Variants in ZNF410 observed in about 807,000 individuals in gnomAD.
ZNF410 encodes zinc finger protein 410.
In ZNF410, 18 loss-of-function variants were observed where a neutral mutation model predicts 54.8. The ratio of observed to expected loss-of-function variants is 0.33; its 90% CI spans 0.23 to 0.49. ZNF410 has a LOEUF of 0.49. Ranked by LOEUF, ZNF410 falls within the 20% of genes least tolerant of loss-of-function variation. The pLI is 0.99. For missense variants in ZNF410, 405 were observed against 569.6 expected (o/e 0.71, Z 2.94); for synonymous variants, 191 against 207.3 (o/e 0.92, Z 0.68).
At chr14:73,899,712 T>C (rs2055376560) in intron 5 of ZNF410, among the ~76,000 whole-genome samples, 1 of 152,214 alleles carries the variant, frequency 6.6e-6, no homozygotes, top group Non-Finnish European at 1.5e-5. Context: ...TTAACCTCCC[T>C]TAGCTTCAAT....
At chr14:73,919,812 G>A (rs543683776) in intron 8 of ZNF410, among the ~76,000 whole-genome samples, 1 of 150,242 alleles carries the variant, frequency 6.7e-6, no homozygotes, top group South Asian at 2.1e-4. Flanking sequence ...CCAGTAATGG[G>A]ATTGCTGGTT....
chr14:73,913,961 A>G (rs2055624887), intron 8 of ZNF410: 1 of 152,110 alleles, frequency 6.6e-6, no homozygotes, highest in African/African-American at 2.4e-5. Context: ...AGTGTTTTCT[A>G]CATAAAAGAT....
intron 3 of ZNF410, among the ~76,000 whole-genome samples, chr14:73,894,674 G>A (rs532353162): frequency 1.3e-5 from 2 of 152,134 alleles, no homozygotes; most frequent in South Asian, 4.2e-4. Context: ...TGATCAGTCC[G>A]CCTTGGCCTC....
At chr14:73,905,946 C>T (rs149827277) in intron 7 of ZNF410, among the ~76,000 whole-genome samples, 12,445 of 36,388 alleles carry the variant, frequency 0.34, 2,061 homozygotes, top group African/African-American at 0.5. Flanking sequence ...CATATATATA[C>T]ACACACACAC....
At chr14:73,920,218 A>G (rs1489038158) in intron 8 of ZNF410, 2 of 152,066 alleles carry the variant, frequency 1.3e-5, no homozygotes, top group East Asian at 1.9e-4. Flanking sequence ...GTGTTTGTCA[A>G]TTGTGAATTT....
At chr14:73,925,264 C>T (rs552003848) in intron 11 of ZNF410, among the ~76,000 whole-genome samples, 4 of 152,254 alleles carry the variant, frequency 2.6e-5, no homozygotes, top group South Asian at 2.1e-4. Flanking sequence ...ATCTCACTTA[C>T]GGAGCCTTCC....
At position 73,909,497 on chromosome 14, in the gene ZNF410, G is replaced by T. The variant is rs1303264708; in HGVS notation, c.1003+67G>T. The T allele has an allele frequency of 5.3e-6, 7 of 1,314,716 alleles. No homozygotes were observed. The Admixed American group carries it at 1.3e-4, about 25-fold the overall frequency. The allele number at this position is 1,314,716 out of a possible 1,614,324, so 81.4% of individuals were successfully genotyped here. ...ACAAAAGAATAAAAGGGTTGTGGGG[G>T]TGATATAAAGACAACTAAAAAGAAA... is the stretch of plus-strand genomic sequence containing the variant. On this transcript the variant is annotated intron_variant, in intron 8 of 11. Coordinates refer to ENST00000555044, the MANE Select transcript of ZNF410 (RefSeq NM_021188.3).
intron 10 of ZNF410, chr14:73,922,718 T>C (rs2055774159): frequency 6.6e-6 from 1 of 152,642 alleles, no homozygotes. Flanking sequence ...CATGCATTTA[T>C]TCAGTGCCTA....
chr14:73,916,809 A>C (rs2055674340), intron 8 of ZNF410: 1 of 104,398 alleles, frequency 9.6e-6, no homozygotes, highest in Admixed American at 9.9e-5. Flanking sequence ...CCCCGTTTCT[A>C]CAAAAAAAAA....
At chr14:73,929,212 T>C (rs536119579) in intron 11 of ZNF410, among the ~76,000 whole-genome samples, 1 of 152,212 alleles carries the variant, frequency 6.6e-6, no homozygotes, top group Non-Finnish European at 1.5e-5. Context: ...TTCCACTGCT[T>C]ATCCCCTCCT....
chr14:73,931,397 C>T, intron 11 of ZNF410, 106 bp from the exon 12 acceptor site: 1 of 939,184 alleles, frequency 1.1e-6, no homozygotes, highest in Non-Finnish European at 1.7e-6. Flanking sequence ...TTCATTCACC[C>T]CTGTAGTGCA....
At chr14:73,922,595 T>C (rs2055772142) in intron 10 of ZNF410, 1 of 154,572 alleles carries the variant, frequency 6.5e-6, no homozygotes, top group South Asian at 2.0e-4. Flanking sequence ...CCATATCTTC[T>C]GGAGAAAAGA....
chr14:73,903,784 G>T, intron 5 of ZNF410, 176 bp from the exon 6 acceptor site: 1 of 829,570 alleles, frequency 1.2e-6, no homozygotes, highest in South Asian at 1.9e-5. Flanking sequence ...TTATAGGTGT[G>T]AGCACCATGC....
At chr14:73,904,242 T>G in intron 6 of ZNF410, 132 bp downstream of exon 6, 1 of 894,448 alleles carries the variant, frequency 1.1e-6, no homozygotes, top group Non-Finnish European at 1.6e-6. Context: ...TAAGATATCT[T>G]TTTTTCTTTA....
At position 73,919,741 on chromosome 14, in the gene ZNF410, T is replaced by C. The variant is rs578205490; in HGVS notation, c.1004-1239T>C. ...CTTTGCTGTTGTGAATAGTGCTGCA[T>C]TGAACATGTGAGGGCAAGTGTCTTT... On this transcript the variant is annotated intron_variant, in intron 8 of 11. Coordinates refer to ENST00000555044, the MANE Select transcript of ZNF410 (RefSeq NM_021188.3). Among the ~76,000 whole-genome samples the C allele has an allele frequency of 3.9e-5, 6 of 152,272 alleles. No homozygotes were observed. In the South Asian group the frequency reaches 1.2e-3, roughly 32 times the overall value.
At chr14:73,896,684 T>G in intron 4 of ZNF410, 150 bp downstream of exon 4, 1 of 659,186 alleles carries the variant, frequency 1.5e-6, no homozygotes, top group African/African-American at 1.8e-5. Context: ...TTTGAATATG[T>G]AGAGGGAGAG....
intron 8 of ZNF410, among the ~76,000 whole-genome samples, chr14:73,918,002 C>G (rs545702904): frequency 6.6e-6 from 1 of 152,308 alleles, no homozygotes; most frequent in South Asian, 2.1e-4. Context: ...CTCCCATATG[C>G]TTTAAATCAT....
At chr14:73,903,828 GAT>G in intron 5 of ZNF410, 130 bp from the exon 6 acceptor site, 1 of 1,248,754 alleles carries the variant, frequency 8.0e-7, no homozygotes, top group Non-Finnish European at 1.1e-6. Context: ...TGCATACAAA[GAT>G]AACTGGGGAA....
rs769639598 is a variant in ZNF410 at position 73,898,156 on chromosome 14, A to G, written c.474A>G (p.Thr158=). 1.2e-6 allele frequency: 2 copies of G among 1,614,182 alleles called. No homozygotes were observed. The highest frequency in any genetic ancestry group is 1.7e-6 in the Non-Finnish European group (2 of 1,180,040). ...ATGATTTCCTCTCCAGTGAGAGCAC[A>G]GACAGTAGCATTCCATGGTTCCTCC... ...SGNDFLSSES[T]DSSIPWFLRV... Residue 158 remains threonine, a synonymous_variant, in exon 5 of 12, where the codon ACA becomes ACG. Transcript: ENST00000555044.
Sources: gnomAD v4.1 joint callset for allele counts (sites outside exome capture counted in the v4.1 genomes callset) on GRCh38, gnomAD v4.1.1 for gene constraint, MANE v1.5 for transcripts, NCBI Gene and HGNC (gene_info 2026-07-23, HGNC 2026-07-21) for gene names.